BARD1: variants seen among roughly 807,000 people sequenced by gnomAD.
BARD1 encodes BRCA1-associated RING domain protein 1.
In BARD1, 73 loss-of-function variants were observed where a neutral mutation model predicts 77.0. That is an observed-to-expected ratio of 0.95 (90% CI 0.79 to 1.15). The LOEUF (loss-of-function observed/expected upper bound fraction) is 1.15. Among genes scored for constraint, BARD1 ranks in the 50% most tolerant of loss-of-function variants. The pLI is 0.00. For missense variants in BARD1, 993 were observed against 938.8 expected (o/e 1.06, Z -0.75); for synonymous variants, 384 against 338.0 (o/e 1.14, Z -1.49).
In BARD1 at chr2:214,792,458, T is replaced by TAAAAAAAAAAAAAAAAA. The variant is rs56130510; in HGVS notation, c.216-14_216-13insTTTTTTTTTTTTTTTTT. 8.2e-7 allele frequency: 1 copy of TAAAAAAAAAAAAAAAAA among 1,218,472 alleles called. No individual in the cohort carries two copies. 75.5% of individuals were successfully genotyped at this position (1,218,472 alleles called of 1,614,324 possible). A position where few individuals can be genotyped will look rare whatever the true frequency, so the allele number is the denominator to read the frequency against. ...ACTTACACAATTACTTTAAAATAATTAAAAAAAAAAAAAAAAGCAACCCAT... is the reference window on the plus strand; with the variant it reads ...ACTTACACAATTACTTTAAAATAATTAAAAAAAAAAAAAAAAAAAAAAAAAAAAAAAAAGCAACCCAT... On this transcript the variant is annotated splice_polypyrimidine_tract_variant and intron_variant, in intron 2 of 10. Coordinates refer to ENST00000260947, the MANE Select transcript of BARD1 (RefSeq NM_000465.4).
chr2:214,780,779 T>C lies in BARD1; in HGVS notation c.1095A>G (p.Pro365=). ...CACCAACTTTACGTTTGCATGAAGGTGGTGAAGAACATTCAGGCAATGGTA... is the reference window on the plus strand; with the variant it reads ...CACCAACTTTACGTTTGCATGAAGGCGGTGAAGAACATTCAGGCAATGGTA... The part of the protein sequence containing the change: ...ENIPLPECSS[P]PSCKRKVGGT... Residue 365 remains proline, a synonymous_variant, in exon 4 of 11, where the codon CCA becomes CCG. Coordinates refer to ENST00000260947, the MANE Select transcript of BARD1 (RefSeq NM_000465.4). 6.5e-7 allele frequency: 1 copy of C among 1,541,516 alleles called. No homozygotes were observed. Among genetic ancestry groups the C allele is most frequent in the Non-Finnish European group, 8.8e-7 (1 of 1,139,942 alleles).
intron 6 of BARD1, among the ~76,000 whole-genome samples, chr2:214,764,835 G>A (rs929942824): frequency 6.6e-6 from 1 of 152,126 alleles, no homozygotes; most frequent in Non-Finnish European, 1.5e-5. Flanking sequence ...CAATGACTAC[G>A]ACATGTTTTT....
At chr2:214,803,236 A>T (rs924620777) in intron 1 of BARD1, among the ~76,000 whole-genome samples, 4 of 151,874 alleles carry the variant, frequency 2.6e-5, no homozygotes, top group African/African-American at 9.7e-5. Flanking sequence ...GTTTCTCCCC[A>T]TGTGATAGTC....
At chr2:214,735,550 C>G (rs140004734) in intron 9 of BARD1, among the ~76,000 whole-genome samples, 65 of 152,238 alleles carry the variant, frequency 4.3e-4, no homozygotes, top group African/African-American at 1.6e-3. Context: ...ACTTCCAATT[C>G]AGGGGAGGGA....
At chr2:214,782,364 G>T (rs1028065422) in intron 3 of BARD1, among the ~76,000 whole-genome samples, 1 of 152,108 alleles carries the variant, frequency 6.6e-6, no homozygotes, top group Non-Finnish European at 1.5e-5. Flanking sequence ...GGGAAAAGTA[G>T]TGACTGAAAG....
intron 6 of BARD1, among the ~76,000 whole-genome samples, chr2:214,763,795 A>C (rs576935610): frequency 6.6e-6 from 1 of 152,322 alleles, no homozygotes; most frequent in South Asian, 2.1e-4. Flanking sequence ...TAAGAGCTTC[A>C]GGAAGAAATA....
rs1692188075 is a variant in BARD1 at position 214,728,676 on chromosome 2, T to C, written c.2334A>G (p.Ter778TrpextTer10). ...TTGAAATGTTCATCTGGTATAATAT[T>C]CAGCTGTCAAGAGGAAGCAACTCAA... ...MSFELLPLDS[*>W] Residue 778 changes from the stop codon to tryptophan (W), a stop_lost, in exon 11 of 11, where the codon TGA (stop) becomes TGG (tryptophan). Coordinates refer to ENST00000260947, the MANE Select transcript of BARD1 (RefSeq NM_000465.4). 1 of 1,614,042 alleles carries C rather than the reference T, an allele frequency of 6.2e-7. No individual in the cohort carries two copies. Among genetic ancestry groups the C allele is most frequent in the Non-Finnish European group, 8.5e-7 (1 of 1,179,934 alleles).
intron 1 of BARD1, among the ~76,000 whole-genome samples, chr2:214,802,209 C>T (rs1405659154): frequency 6.6e-6 from 1 of 152,146 alleles, no homozygotes; most frequent in African/African-American, 2.4e-5. Context: ...TAGCAATATG[C>T]AGTACAATGC....
In BARD1 at chr2:214,769,338, T is replaced by C. The variant is rs376215997; in HGVS notation, c.1315-26A>G. On this transcript the variant is annotated intron_variant, in intron 4 of 10. Coordinates refer to ENST00000260947, the MANE Select transcript of BARD1 (RefSeq NM_000465.4). ...CTAGAAAAATGAACAAAACGGAAAT[T>C]AAAAAGCATTAAGGAAAGAAAGGAA... The C allele has an allele frequency of 9.1e-5, 142 of 1,553,268 alleles. No homozygotes were observed. Among genetic ancestry groups the C allele is most frequent in the Non-Finnish European group, 1.1e-4 (127 of 1,125,234 alleles).
chr2:214,730,130 T>A, intron 10 of BARD1: 2 of 451,556 alleles, frequency 4.4e-6, no homozygotes, highest in South Asian at 2.2e-5. Flanking sequence ...CAGCTGTAAG[T>A]CTTCTTTCAA....
Position 214,779,217 on chromosome 2 carries a change from G to A in BARD1, c.1314+1343C>T, listed in dbSNP as rs561617341. Among the ~76,000 whole-genome samples the A allele has an allele frequency of 9.9e-4, 150 of 152,108 alleles. 1 individual carries two copies. Among genetic ancestry groups the A allele is most frequent in the African/African-American group, 3.5e-3 (145 of 41,492 alleles). On this transcript the variant is annotated intron_variant, in intron 4 of 10. Transcript: ENST00000260947. ...GTACAGTCATCCCTCAGTATCTGTG[G>A]GGGATTGGTTCCAGAATCCCAGCAG...
intron 6 of BARD1, among the ~76,000 whole-genome samples, chr2:214,765,347 C>T (rs1574783339): frequency 6.6e-6 from 1 of 152,326 alleles, no homozygotes; most frequent in African/African-American, 2.4e-5. Context: ...TAAGCCCTCA[C>T]AGTGCAGTGA....
chr2:214,739,366 G>T (rs1358283672), intron 9 of BARD1, among the ~76,000 whole-genome samples: 1 of 152,024 alleles, frequency 6.6e-6, no homozygotes, highest in Non-Finnish European at 1.5e-5. Flanking sequence ...TGTCACTCAA[G>T]ATAACAGTAT....
intron 3 of BARD1, among the ~76,000 whole-genome samples, chr2:214,790,174 A>G (rs557424385): frequency 1.1e-4 from 16 of 152,312 alleles, no homozygotes; most frequent in Non-Finnish European, 2.4e-4. Flanking sequence ...ATGGTATGCC[A>G]TAACTGACAA....
Position 214,743,914 on chromosome 2 carries a change from T to C in BARD1, c.1903+1153A>G, listed in dbSNP as rs533971186. ...TGCATAATTTTATCTCAGGTAGTCT[T>C]GTGTTACATGGCCACCACTAACATC... On this transcript the variant is annotated intron_variant, in intron 9 of 10. Transcript: ENST00000260947. Among the ~76,000 whole-genome samples the C allele has an allele frequency of 7.9e-5, 12 of 152,308 alleles. 1 individual carries two copies. The South Asian group carries it at 2.3e-3, about 29-fold the overall frequency.
intron 6 of BARD1, among the ~76,000 whole-genome samples, chr2:214,752,849 T>C (rs1477760484): frequency 6.6e-6 from 1 of 152,188 alleles, no homozygotes; most frequent in Non-Finnish European, 1.5e-5. Flanking sequence ...CCAATCACTA[T>C]AAGTGACAGA....
At chr2:214,808,951 GTTT>G (rs1696416527) in intron 1 of BARD1, among the ~76,000 whole-genome samples, 1 of 152,226 alleles carries the variant, frequency 6.6e-6, no homozygotes, top group African/African-American at 2.4e-5. Flanking sequence ...AAAAAGGCCA[GTTT>G]AACTTAGAGT....
chr2:214,756,317 A>C lies in BARD1; in HGVS notation c.1569-3762T>G, dbSNP rs148108820. ...TCCTGCAAGAATGGGCATAATTAAAAAATAAAAAAATAACAGATGTTGGCA... is the reference window on the plus strand; with the variant it reads ...TCCTGCAAGAATGGGCATAATTAAACAATAAAAAAATAACAGATGTTGGCA... On this transcript the variant is annotated intron_variant, in intron 6 of 10. Transcript: ENST00000260947. Among the ~76,000 whole-genome samples, 1,002 of 152,320 alleles carry C rather than the reference A, an allele frequency of 6.6e-3. 10 individuals carry two copies. Among genetic ancestry groups the C allele is most frequent in the African/African-American group, 0.022 (931 of 41,560 alleles).
chr2:214,765,679 G>C (rs1694163009), intron 6 of BARD1, among the ~76,000 whole-genome samples: 1 of 152,034 alleles, frequency 6.6e-6, no homozygotes, highest in Non-Finnish European at 1.5e-5. Flanking sequence ...CATATGGGAG[G>C]GTCATATCGG....
Sources: gnomAD v4.1 joint callset for allele counts (sites outside exome capture counted in the v4.1 genomes callset) on GRCh38, gnomAD v4.1.1 for gene constraint, MANE v1.5 for transcripts, NCBI Gene and HGNC (gene_info 2026-07-23, HGNC 2026-07-21) for gene names.